RBFOX1: variants seen among roughly 807,000 people sequenced by gnomAD.
RBFOX1 encodes the protein RNA binding fox-1 homolog 1.
RBFOX1 carries 8 observed loss-of-function variants against 57.7 expected under a neutral mutation model. The ratio of observed to expected loss-of-function variants is 0.14; its 90% confidence interval spans 0.08 to 0.25. RBFOX1 has a LOEUF of 0.25. RBFOX1 is among the 10% of genes least tolerant of loss of function. RBFOX1 has a pLI of 1.00. For synonymous variants in RBFOX1, 326 were observed against 222.4 expected (o/e 1.47, Z -4.15); for missense variants, 611 against 548.5 (o/e 1.11, Z -1.14).
In RBFOX1 at chr16:7,567,287, ATCCT is replaced by A. The variant is rs1367038229; in HGVS notation, c.271-12488_271-12485del. 6.5e-5 allele frequency among the ~76,000 whole-genome samples: 8 copies of A among 123,248 alleles called. 1 individual carries two copies. Among genetic ancestry groups the A allele is most frequent in the Admixed American group, 4.4e-4 (5 of 11,312 alleles). The allele number at this position is 123,248 out of a possible 152,430, so 80.9% of individuals were successfully genotyped here. Reference sequence around the variant, plus strand: ...TATCCCTATATATATATCCCTATATATCCTTATATATGGCCCTATATATATATAT... The same window carrying A: ...TATCCCTATATATATATCCCTATATATATATATGGCCCTATATATATATAT... On this transcript the variant is annotated intron_variant, in intron 5 of 15. Transcript: ENST00000550418.
chr16:6,295,326 A>C (rs564618088), intron 1 of RBFOX1, among the ~76,000 whole-genome samples: 1 of 152,026 alleles, frequency 6.6e-6, no homozygotes, highest in Non-Finnish European at 1.5e-5. Flanking sequence ...AGGTTTCATC[A>C]TGTTGGCCAG....
At chr16:7,634,640 G>C (rs2061482120) in intron 11 of RBFOX1, among the ~76,000 whole-genome samples, 2 of 152,162 alleles carry the variant, frequency 1.3e-5, no homozygotes, top group Non-Finnish European at 2.9e-5. Context: ...TTAAGAGAAA[G>C]ATTTTCACTG....
intron 4 of RBFOX1, among the ~76,000 whole-genome samples, chr16:7,402,530 T>C (rs2098262398): frequency 6.6e-6 from 1 of 152,178 alleles, no homozygotes; most frequent in Non-Finnish European, 1.5e-5. Flanking sequence ...GAGGTCATCG[T>C]TGGGAACAGA....
intron 2 of RBFOX1, among the ~76,000 whole-genome samples, chr16:6,545,317 C>G (rs535755995): frequency 6.6e-6 from 1 of 152,132 alleles, no homozygotes; most frequent in African/African-American, 2.4e-5. Context: ...CAATAAAAAC[C>G]CAAACGTAAA....
At chr16:5,992,099 C>G (rs1248527015) in intron 4 of RBFOX1, among the ~76,000 whole-genome samples, 4 of 151,894 alleles carry the variant, frequency 2.6e-5, no homozygotes, top group Admixed American at 2.6e-4. Flanking sequence ...CTTCACCAAA[C>G]TGTGATCTTT....
At chr16:7,199,177 C>T (rs111272950) in intron 4 of RBFOX1, among the ~76,000 whole-genome samples, 26 of 152,220 alleles carry the variant, frequency 1.7e-4, no homozygotes, top group African/African-American at 6.3e-4. Context: ...ATTTTTATGG[C>T]AATGCATTTT....
intron 1 of RBFOX1, among the ~76,000 whole-genome samples, chr16:5,418,936 G>A (rs1344828810): frequency 1.3e-5 from 2 of 152,214 alleles, no homozygotes; most frequent in Admixed American, 1.3e-4. Context: ...CCAGCTCAGA[G>A]GTGAAGGCAG....
intron 4 of RBFOX1, among the ~76,000 whole-genome samples, chr16:7,382,674 T>C (rs567645733): frequency 1.5e-4 from 23 of 152,334 alleles, no homozygotes; most frequent in Admixed American, 5.9e-4. Flanking sequence ...CCATCCTGGA[T>C]TCATTTTCTA....
intron 2 of RBFOX1, among the ~76,000 whole-genome samples, chr16:6,493,425 C>G (rs966419781): frequency 2.0e-5 from 3 of 152,120 alleles, no homozygotes; most frequent in African/African-American, 7.2e-5. Flanking sequence ...AATCATGATC[C>G]TTATCCTCCC....
At chr16:6,615,091 A>G (rs2098123236) in intron 2 of RBFOX1, among the ~76,000 whole-genome samples, 1 of 152,164 alleles carries the variant, frequency 6.6e-6, no homozygotes, top group Non-Finnish European at 1.5e-5. Context: ...TATCGTGAAA[A>G]CAGTTGCACC....
At chr16:6,712,248 A>G (rs28706618) in intron 3 of RBFOX1, among the ~76,000 whole-genome samples, 8,761 of 152,260 alleles carry the variant, frequency 0.058, 309 homozygotes, top group African/African-American at 0.081. Context: ...GAACTCTGCT[A>G]TGAACCCTTA....
chr16:6,524,010 C>A (rs180928863), intron 2 of RBFOX1, among the ~76,000 whole-genome samples: 1 of 152,218 alleles, frequency 6.6e-6, no homozygotes, highest in Non-Finnish European at 1.5e-5. Flanking sequence ...ATAAATAAAT[C>A]CAATTACACT....
At chr16:6,803,339 C>A (rs779829721) in intron 3 of RBFOX1, among the ~76,000 whole-genome samples, 3 of 152,142 alleles carry the variant, frequency 2.0e-5, no homozygotes, top group East Asian at 3.9e-4. Flanking sequence ...AAAACTACAG[C>A]AGAAGTGTTG....
At chr16:6,904,721 C>G (rs1679026142) in intron 3 of RBFOX1, among the ~76,000 whole-genome samples, 2 of 150,578 alleles carry the variant, frequency 1.3e-5, no homozygotes, top group African/African-American at 2.4e-5. Context: ...TTGGTTTTCT[C>G]TACTCACAGG....
intron 1 of RBFOX1, among the ~76,000 whole-genome samples, chr16:5,291,287 G>A (rs2063528530): frequency 7.0e-6 from 1 of 142,830 alleles, no homozygotes; most frequent in Non-Finnish European, 1.5e-5. Context: ...TTTTGAGACG[G>A]AGTCTCACTC....
chr16:6,907,110 G>T (rs948456862), intron 3 of RBFOX1, among the ~76,000 whole-genome samples: 2 of 152,128 alleles, frequency 1.3e-5, no homozygotes, highest in South Asian at 4.1e-4. Context: ...AGTGATTTTT[G>T]TTCCCCAGTA....
intron 4 of RBFOX1, among the ~76,000 whole-genome samples, chr16:7,364,941 A>C (rs182338755): frequency 2.6e-5 from 4 of 152,270 alleles, no homozygotes. Flanking sequence ...GATGCCAAGC[A>C]CTCTGACTGT....
intron 3 of RBFOX1, among the ~76,000 whole-genome samples, chr16:6,992,343 C>G (rs1462712847): frequency 1.3e-5 from 2 of 151,908 alleles, no homozygotes; most frequent in Middle Eastern, 3.2e-3. Context: ...TCAGCTTTCC[C>G]AGTAGCTGGG....
chr16:5,701,921 A>G (rs548747267), intron 3 of RBFOX1, among the ~76,000 whole-genome samples: 1 of 152,330 alleles, frequency 6.6e-6, no homozygotes, highest in South Asian at 2.1e-4. Flanking sequence ...ATTCTTCCAC[A>G]CAGTATAAAC....
Sources: allele counts gnomAD v4.1 joint callset (sites outside exome capture counted in the v4.1 genomes callset), GRCh38; gene constraint gnomAD v4.1.1; transcripts MANE v1.5; gene names NCBI Gene and HGNC (gene_info 2026-07-23, HGNC 2026-07-21).